The following DPH5 variants were observed in gnomAD, a reference collection of about 807,000 sequenced individuals.
The protein encoded by DPH5 is diphthamide biosynthesis 5.
Under a neutral mutation model 31.6 loss-of-function variants are expected in DPH5, and 31 were observed. That is an observed-to-expected ratio of 0.98 (90% CI 0.74 to 1.32). The LOEUF is 1.32. DPH5 is among the 40% of genes most tolerant of loss of function. The pLI is 0.00. For synonymous variants in DPH5, 120 were observed against 115.0 expected (o/e 1.04, Z -0.28); for missense variants, 309 against 335.7 (o/e 0.92, Z 0.62).
chr1:100,994,820 C>T (rs1658185969), intron 6 of DPH5, among the ~76,000 whole-genome samples: 1 of 152,194 alleles, frequency 6.6e-6, no homozygotes, highest in African/African-American at 2.4e-5. Context: ...AACAACCGCA[C>T]CCGGCCTCAC....
intron 6 of DPH5, among the ~76,000 whole-genome samples, chr1:100,993,593 TATATAG>T (rs1658034909): frequency 8.0e-6 from 1 of 124,516 alleles, no homozygotes; most frequent in African/African-American, 3.0e-5. Context: ...TATATATATA[TATATAG>T]CTATTGTGGC....
At chr1:100,999,830 G>A (rs534370230) in intron 5 of DPH5, among the ~76,000 whole-genome samples, 11 of 149,246 alleles carry the variant, frequency 7.4e-5, no homozygotes, top group African/African-American at 2.7e-4. Context: ...CAAGAGCAAG[G>A]CTCCGTCTCA....
chr1:100,993,930 G>A (rs1327650630), intron 6 of DPH5, among the ~76,000 whole-genome samples: 1 of 151,826 alleles, frequency 6.6e-6, no homozygotes, highest in African/African-American at 2.4e-5. Context: ...TTTTAGTACA[G>A]ACGGGGTTTC....
intron 5 of DPH5, chr1:100,995,360 A>T: frequency 2.3e-6 from 1 of 435,992 alleles, no homozygotes; most frequent in Non-Finnish European, 4.2e-6. Flanking sequence ...CCCTGAGACC[A>T]TCCTGCTAAC....
At chr1:101,006,180 T>C (rs1659219873) in intron 4 of DPH5, among the ~76,000 whole-genome samples, 1 of 152,236 alleles carries the variant, frequency 6.6e-6, no homozygotes, top group Non-Finnish European at 1.5e-5. Flanking sequence ...TGAGTCACAA[T>C]TGACCTCAAA....
intron 4 of DPH5, among the ~76,000 whole-genome samples, chr1:101,005,938 T>A (rs943453314): frequency 2.6e-5 from 4 of 152,128 alleles, no homozygotes; most frequent in Admixed American, 2.6e-4. Context: ...GGGGAGCAGT[T>A]ACCTCCATGC....
chr1:101,008,302 A>C (rs916480671), intron 4 of DPH5, among the ~76,000 whole-genome samples: 1 of 152,204 alleles, frequency 6.6e-6, no homozygotes, highest in African/African-American at 2.4e-5. Context: ...ATTTAGTGTT[A>C]TGTCATTACT....
intron 4 of DPH5, among the ~76,000 whole-genome samples, chr1:101,006,633 A>G (rs1659249514): frequency 6.6e-6 from 1 of 152,190 alleles, no homozygotes; most frequent in Admixed American, 6.5e-5. Context: ...TCATGACTAC[A>G]TTAGTCCCTG....
chr1:100,991,812 G>A (rs1657755751), intron 7 of DPH5, among the ~76,000 whole-genome samples: 1 of 115,590 alleles, frequency 8.7e-6, no homozygotes, highest in Admixed American at 8.1e-5. Flanking sequence ...AAGTCTCACA[G>A]TGGGCCAGGC....
intron 4 of DPH5, among the ~76,000 whole-genome samples, chr1:101,009,729 C>T (rs1024719213): frequency 6.6e-6 from 1 of 152,090 alleles, no homozygotes; most frequent in South Asian, 2.1e-4. Context: ...TGCTTAAAAC[C>T]CTTCAATGTC....
At chr1:101,004,304 C>T (rs962017502) in intron 4 of DPH5, among the ~76,000 whole-genome samples, 34 of 152,270 alleles carry the variant, frequency 2.2e-4, no homozygotes, top group African/African-American at 8.2e-4. Flanking sequence ...GAAGGGCTTA[C>T]CAGTGAACTA....
intron 6 of DPH5, among the ~76,000 whole-genome samples, 176 bp downstream of exon 6, chr1:100,994,934 C>T (rs115681980): frequency 2.6e-3 from 400 of 152,312 alleles, no homozygotes; most frequent in Non-Finnish European, 4.0e-3. Flanking sequence ...AAATATATTG[C>T]TATTTCTACT....
Position 101,020,381 on chromosome 1 carries a change from T to C in DPH5, c.260+1260A>G, listed in dbSNP as rs1660362344. On this transcript the variant is annotated intron_variant, in intron 3 of 7. Transcript: ENST00000370109. ...TATTCAGTCTTTCCTTTTTGAATAG[T>C]CTCTTTTCCTGGCTTCTGTGACAAC... Among the ~76,000 whole-genome samples, 3 of 152,096 alleles carry C rather than the reference T, an allele frequency of 2.0e-5. 1 individual carries two copies. The South Asian group carries it at 6.2e-4, about 32-fold the overall frequency.
chr1:100,997,434 C>G (rs1658458302), intron 5 of DPH5, among the ~76,000 whole-genome samples: 1 of 151,972 alleles, frequency 6.6e-6, no homozygotes, highest in Admixed American at 6.6e-5. Context: ...GGTGCAATCT[C>G]AGCTCAATGC....
chr1:101,006,746 A>G (rs1248541405), intron 4 of DPH5, among the ~76,000 whole-genome samples: 1 of 152,216 alleles, frequency 6.6e-6, no homozygotes, highest in African/African-American at 2.4e-5. Context: ...ATTAAAAAAA[A>G]GAGAGGAAAT....
intron 4 of DPH5, among the ~76,000 whole-genome samples, chr1:101,005,021 C>G (rs1028639673): frequency 3.3e-5 from 5 of 152,206 alleles, no homozygotes; most frequent in African/African-American, 9.6e-5. Context: ...CTACTCATTT[C>G]TTTCCCTACA....
intron 4 of DPH5, 73 bp downstream of exon 4, chr1:101,013,637 A>T (rs2101250410): frequency 9.9e-7 from 1 of 1,013,466 alleles, no homozygotes; most frequent in Non-Finnish European, 1.5e-6. Context: ...ATACAATTAA[A>T]TGTATTTTCA....
Position 101,005,924 on chromosome 1 carries a change from AG to A in DPH5, c.370-4338del, listed in dbSNP as rs904654166. ...GAGGGACCCGGTAGTGGGGGAGGTG[AG>A]GGGGGGAGCAGTTACCTCCATGCTG... is the stretch of plus-strand genomic sequence containing the variant. On this transcript the variant is annotated intron_variant, in intron 4 of 7. Coordinates refer to ENST00000370109, the MANE Select transcript of DPH5 (RefSeq NM_015958.3). Among the ~76,000 whole-genome samples the A allele has an allele frequency of 8.0e-5, 12 of 150,734 alleles. No homozygotes were observed. In the South Asian group the frequency reaches 2.1e-3, roughly 27 times the overall value.
chr1:100,996,998 C>T (rs1658410703), intron 5 of DPH5, among the ~76,000 whole-genome samples: 1 of 152,286 alleles, frequency 6.6e-6, no homozygotes, highest in South Asian at 2.1e-4. Flanking sequence ...CACTCTGTTC[C>T]TTCCTGCTTT....
Sources: gnomAD v4.1 joint callset for allele counts (sites outside exome capture counted in the v4.1 genomes callset) on GRCh38, gnomAD v4.1.1 for gene constraint, MANE v1.5 for transcripts, NCBI Gene and HGNC (gene_info 2026-07-23, HGNC 2026-07-21) for gene names.